PSMA2: variants seen among roughly 807,000 people sequenced by gnomAD.
PSMA2 encodes the protein proteasome subunit alpha type-2.
PSMA2 carries 2 observed loss-of-function variants against 35.9 expected under a neutral mutation model. That is an observed-to-expected ratio of 0.06 (90% CI 0.02 to 0.18). The LOEUF is 0.18. Ranked by LOEUF, PSMA2 falls within the 10% of genes least tolerant of loss-of-function variation. The pLI is 1.00. For missense variants in PSMA2, 126 were observed against 278.8 expected, an observed-to-expected ratio of 0.45 and a Z score of 3.90; for synonymous variants, 97 against 98.2, an observed-to-expected ratio of 0.99 and a Z score of 0.07.
rs762570283 is a variant in PSMA2 at position 42,927,364 on chromosome 7, G to A, written c.118+19C>T. The A allele has an allele frequency of 6.3e-7, 1 of 1,599,404 alleles. No homozygotes were observed. Among genetic ancestry groups the A allele is most frequent in the Non-Finnish European group, 8.6e-7 (1 of 1,166,664 alleles). The stretch of plus-strand genomic sequence containing the variant: ...ATAACTACTAACAGGCATCTGAAAT[G>A]AATGAAGCATTTCATTACCTTTAAT... On this transcript the variant is annotated intron_variant, in intron 2 of 7. Transcript: ENST00000223321.
intron 6 of PSMA2, chr7:42,920,042 C>G (rs574481463): frequency 2.4e-5 from 16 of 659,894 alleles, no homozygotes; most frequent in Non-Finnish European, 4.5e-5. Flanking sequence ...GAAATTGCTT[C>G]AGAGAATTCA....
intron 1 of PSMA2, chr7:42,931,029 T>G (rs1220807157): frequency 6.4e-6 from 2 of 311,026 alleles, no homozygotes; most frequent in Admixed American, 8.7e-5. Context: ...GACAACGTTA[T>G]GTAATGGAAA....
chr7:42,926,085 T>C (rs1786212750), intron 3 of PSMA2, among the ~76,000 whole-genome samples: 1 of 152,236 alleles, frequency 6.6e-6, no homozygotes, highest in Admixed American at 6.5e-5. Flanking sequence ...CAGTGGTGTT[T>C]GAGAATTTTG....
chr7:42,926,547 G>A lies in PSMA2; in HGVS notation c.240C>T (p.Gly80=), dbSNP rs776407399. ...KHIGLVYSGM[G]PDYRVLVHRA... ...AAAGTATAAAGTACCTGTAATCGGG[G>A]CCCATGCCACTGTACACCAAACCTA... Residue 80 remains glycine (G), a synonymous_variant, in exon 3 of 8, where the codon GGC becomes GGT. Coordinates refer to ENST00000223321, the MANE Select transcript of PSMA2 (RefSeq NM_002787.5). 3.7e-5 allele frequency: 58 copies of A among 1,588,806 alleles called. 1 individual carries two copies. In the South Asian group the frequency reaches 6.5e-4, roughly 18 times the overall value.
intron 1 of PSMA2, among the ~76,000 whole-genome samples, 177 bp from the exon 2 acceptor site, chr7:42,927,636 T>G (rs998454933): frequency 6.6e-6 from 1 of 152,190 alleles, no homozygotes; most frequent in African/African-American, 2.4e-5. Flanking sequence ...CTGGGCGCAA[T>G]GACTCAAGTT....
intron 1 of PSMA2, among the ~76,000 whole-genome samples, chr7:42,930,588 A>C (rs1164394432): frequency 2.0e-5 from 3 of 152,148 alleles, no homozygotes; most frequent in Non-Finnish European, 4.4e-5. Flanking sequence ...TGTTATAAAA[A>C]GATTCAGTCC....
At chr7:42,923,741 T>C (rs1278209513) in intron 4 of PSMA2, among the ~76,000 whole-genome samples, 1 of 152,258 alleles carries the variant, frequency 6.6e-6, no homozygotes, top group Non-Finnish European at 1.5e-5. Context: ...TATTACAAAA[T>C]GACAACTTTC....
chr7:42,924,376 A>G (rs868429434), intron 4 of PSMA2, among the ~76,000 whole-genome samples: 13 of 151,198 alleles, frequency 8.6e-5, no homozygotes, highest in East Asian at 7.7e-4. Flanking sequence ...AAAAAAAAAA[A>G]AAAGAAAAAT....
intron 1 of PSMA2, among the ~76,000 whole-genome samples, chr7:42,930,611 G>C (rs1366808155): frequency 6.6e-6 from 1 of 151,968 alleles, no homozygotes; most frequent in South Asian, 2.1e-4. Flanking sequence ...GAAGGTATAC[G>C]GTTGTTTTAT....
chr7:42,926,501 A>T, intron 3 of PSMA2, 35 bp downstream of exon 3: 1 of 1,517,538 alleles, frequency 6.6e-7, no homozygotes, highest in Non-Finnish European at 8.8e-7. Context: ...TCAATTCATG[A>T]GATGGTGAGA....
chr7:42,921,722 G>A, intron 6 of PSMA2, 136 bp downstream of exon 6: 2 of 518,522 alleles, frequency 3.9e-6, no homozygotes, highest in South Asian at 5.1e-5. Flanking sequence ...AGAAGTTTTT[G>A]GTTTATCTGT....
intron 1 of PSMA2, among the ~76,000 whole-genome samples, chr7:42,931,849 C>T (rs181795428): frequency 6.6e-6 from 1 of 152,212 alleles, no homozygotes; most frequent in African/African-American, 2.4e-5. Flanking sequence ...AAAGTGAAAG[C>T]GAATCCTTGG....
chr7:42,920,098 A>G (rs925735014), intron 6 of PSMA2: 5 of 537,624 alleles, frequency 9.3e-6, no homozygotes, highest in Admixed American at 5.4e-5. Context: ...CTGAACATCA[A>G]GCATGTGCCA....
intron 1 of PSMA2, among the ~76,000 whole-genome samples, chr7:42,931,752 G>A (rs770977443): frequency 1.4e-4 from 22 of 151,942 alleles, no homozygotes; most frequent in Non-Finnish European, 2.2e-4. Flanking sequence ...ACCGCATCAG[G>A]TCTACTTGAG....
chr7:42,930,349 C>T (rs946667052), intron 1 of PSMA2, among the ~76,000 whole-genome samples: 2 of 152,066 alleles, frequency 1.3e-5, no homozygotes, highest in Admixed American at 6.5e-5. Flanking sequence ...ATCCTAAACT[C>T]TTGGGTTCAA....
At chr7:42,928,839 A>C (rs1252545337) in intron 1 of PSMA2, among the ~76,000 whole-genome samples, 1 of 152,084 alleles carries the variant, frequency 6.6e-6, no homozygotes, top group East Asian at 1.9e-4. Flanking sequence ...GCATTTCTCT[A>C]TTGCCCTGTG....
At chr7:42,931,244 C>T (rs1215612885) in intron 1 of PSMA2, 2 of 398,878 alleles carry the variant, frequency 5.0e-6, no homozygotes, top group African/African-American at 4.2e-5. Flanking sequence ...AGTTAGATCC[C>T]GCCTGCCTTC....
At chr7:42,919,234 TG>T in intron 6 of PSMA2, 1 of 618,924 alleles carries the variant, frequency 1.6e-6, no homozygotes, top group Non-Finnish European at 3.1e-6. Context: ...AGATGCTGTC[TG>T]GAATGCAACA....
chr7:42,930,360 G>A (rs772095112), intron 1 of PSMA2, among the ~76,000 whole-genome samples: 10 of 152,064 alleles, frequency 6.6e-5, no homozygotes, highest in Non-Finnish European at 1.3e-4. Context: ...TTGGGTTCAA[G>A]TGCTCCTCTC....
Sources: allele counts gnomAD v4.1 joint callset (sites outside exome capture counted in the v4.1 genomes callset), GRCh38; gene constraint gnomAD v4.1.1; transcripts MANE v1.5; gene names NCBI Gene and HGNC (gene_info 2026-07-23, HGNC 2026-07-21).